DENND10: variants seen among roughly 807,000 people sequenced by gnomAD.
The protein encoded by DENND10 is DENN domain-containing protein 10.
In DENND10, 24 loss-of-function variants were observed where a neutral mutation model predicts 43.6. That is an observed-to-expected ratio of 0.55 (90% CI 0.40 to 0.77). DENND10 has a LOEUF of 0.77. Ranked by LOEUF, DENND10 falls within the 30% of genes least tolerant of loss-of-function variation. The probability of loss-of-function intolerance (pLI) is 0.00; values close to 1 mark genes in which losing one functional copy is unlikely to be tolerated. For missense variants in DENND10, 303 were observed against 429.9 expected, an observed-to-expected ratio of 0.70 and a Z score of 2.61; for synonymous variants, 125 against 157.6, an observed-to-expected ratio of 0.79 and a Z score of 1.55.
rs397845392 is a variant in DENND10 at position 119,115,382 on chromosome 10, A to ATTTTTTTTTTTTTTTTTTTTTTT, written c.333-2136_333-2114dup. ...CGTCAAGTTGTGAATTGAATTGGTA[A>ATTTTTTTTTTTTTTTTTTTTTTT]TTTTTTTTTTTTTTTTTTTTTTTGA... is the stretch of plus-strand genomic sequence containing the variant. On this transcript the variant is annotated intron_variant, in intron 3 of 8. Transcript: ENST00000361432. Among the ~76,000 whole-genome samples, 5 of 48,416 alleles carry ATTTTTTTTTTTTTTTTTTTTTTT rather than the reference A, an allele frequency of 1.0e-4. 1 individual carries two copies. Among genetic ancestry groups the ATTTTTTTTTTTTTTTTTTTTTTT allele is most frequent in the East Asian group, 1.6e-3 (2 of 1,242 alleles). The allele number at this position is 48,416 out of a possible 152,430, so 31.8% of individuals were successfully genotyped here.
At chr10:119,111,455 A>G (rs1844972068) in intron 2 of DENND10, among the ~76,000 whole-genome samples, 1 of 151,782 alleles carries the variant, frequency 6.6e-6, no homozygotes. Flanking sequence ...AAAAAAAAAA[A>G]TAGGTAAAAT....
chr10:119,135,801 A>AAAAAAAAAAAAAAAAAAAAAAAAAAAAC (rs1846314922), intron 8 of DENND10, among the ~76,000 whole-genome samples: 1 of 149,218 alleles, frequency 6.7e-6, no homozygotes, highest in African/African-American at 2.4e-5. Context: ...TAAAAAAAAA[A>AAAAAAAAAAAAAAAAAAAAAAAAAAAAC]AAAAAAAAAA....
intron 1 of DENND10, among the ~76,000 whole-genome samples, chr10:119,104,613 G>A (rs12250653): frequency 0.35 from 52,978 of 149,816 alleles, 9,748 homozygotes; most frequent in Non-Finnish European, 0.4. Flanking sequence ...CGGCGGGGAG[G>A]AGGCAGGGTC....
chr10:119,137,955 GAAATA>G lies in DENND10; in HGVS notation c.*1313_*1317del. The G allele has an allele frequency of 6.0e-6, 1 of 167,042 alleles. No individual in the cohort carries two copies. The highest frequency in any genetic ancestry group is 6.5e-5 in the Admixed American group (1 of 15,288). The allele number at this position is 167,042 out of a possible 1,614,324, so 10.3% of individuals were successfully genotyped here. On this transcript the variant is annotated 3_prime_UTR_variant, in exon 9 of 9. Transcript: ENST00000361432. The stretch of plus-strand genomic sequence containing the variant: ...GTTAAAATTATAAATTTATGATGCA[GAAATA>G]AAATTGATATATTTTGATATTCAAC...
At chr10:119,123,409 CAGGCTGAGTCTTTA>C (rs1282316087) in intron 5 of DENND10, 46 bp from the exon 6 acceptor site, 86 of 1,209,264 alleles carry the variant, frequency 7.1e-5, no homozygotes, top group Non-Finnish European at 9.5e-5. Context: ...GAGAAGGGGG[CAGGCTGAGTCTTTA>C]AGGTGTGGAC....
At chr10:119,120,718 C>T (rs979411559) in intron 5 of DENND10, among the ~76,000 whole-genome samples, 1 of 152,132 alleles carries the variant, frequency 6.6e-6, no homozygotes, top group Admixed American at 6.6e-5. Context: ...GGTCACTGCC[C>T]CAACTACTCA....
intron 6 of DENND10, among the ~76,000 whole-genome samples, chr10:119,126,366 G>A (rs1209518977): frequency 3.9e-5 from 6 of 152,034 alleles, no homozygotes; most frequent in Non-Finnish European, 8.8e-5. Context: ...TTAGTTTTTC[G>A]AGGAATTTCC....
At position 119,136,889 on chromosome 10, in the gene DENND10, T is replaced by C; in HGVS notation, c.*242T>C. On this transcript the variant is annotated 3_prime_UTR_variant, in exon 9 of 9. Transcript: ENST00000361432. ...TGGACGAAGTGCTATAACTACTTTA[T>C]GTAACATTACAGAACAGCTAGAGGT... 1 of 396,946 alleles carries C rather than the reference T, an allele frequency of 2.5e-6. No homozygotes were observed. The allele number at this position is 396,946 out of a possible 1,614,324, so 24.6% of individuals were successfully genotyped here.
intron 4 of DENND10, among the ~76,000 whole-genome samples, 186 bp from the exon 5 acceptor site, chr10:119,120,155 G>A (rs7901119): frequency 0.063 from 9,608 of 151,902 alleles, 814 homozygotes; most frequent in African/African-American, 0.19. Flanking sequence ...AGCTGAAGCA[G>A]GAGAATCGCT....
At chr10:119,115,481 G>A (rs867698363) in intron 3 of DENND10, among the ~76,000 whole-genome samples, 19 of 103,708 alleles carry the variant, frequency 1.8e-4, no homozygotes, top group Admixed American at 9.5e-4. Context: ...TCCGCCTCCC[G>A]GGTTCACGCC....
At chr10:119,122,012 A>G (rs1410930740) in intron 5 of DENND10, among the ~76,000 whole-genome samples, 1 of 152,144 alleles carries the variant, frequency 6.6e-6, no homozygotes, top group Non-Finnish European at 1.5e-5. Flanking sequence ...GTGAACACAT[A>G]AAAGATAATG....
At chr10:119,116,276 G>T (rs945190637) in intron 3 of DENND10, among the ~76,000 whole-genome samples, 2 of 152,144 alleles carry the variant, frequency 1.3e-5, no homozygotes, top group Non-Finnish European at 2.9e-5. Flanking sequence ...GCTTTAACTT[G>T]ACGATGAATG....
intron 8 of DENND10, among the ~76,000 whole-genome samples, chr10:119,135,652 G>A (rs1187476157): frequency 6.6e-6 from 1 of 151,832 alleles, no homozygotes; most frequent in African/African-American, 2.4e-5. Flanking sequence ...GCTAAGCGAG[G>A]GGAAATGGGG....
intron 4 of DENND10, among the ~76,000 whole-genome samples, chr10:119,118,187 C>T (rs1218571933): frequency 1.3e-5 from 2 of 151,988 alleles, no homozygotes; most frequent in Non-Finnish European, 2.9e-5. Flanking sequence ...CAAGAGGGTG[C>T]CTTTAACCCC....
rs1845836452 is a variant in DENND10 at position 119,126,436 on chromosome 10, C to A, written c.694+2867C>A. 2.6e-5 allele frequency among the ~76,000 whole-genome samples: 4 copies of A among 152,024 alleles called. No homozygotes were observed. In the South Asian group the frequency reaches 8.3e-4, roughly 32 times the overall value. Reference sequence around the variant, plus strand: ...TTCCTACCAACAGTGTACGAGAGTTCTTTTTCTCTACATTCTTGCCATCGT... The same window carrying A: ...TTCCTACCAACAGTGTACGAGAGTTATTTTTCTCTACATTCTTGCCATCGT... On this transcript the variant is annotated intron_variant, in intron 6 of 8. Coordinates refer to ENST00000361432, the MANE Select transcript of DENND10 (RefSeq NM_207009.4).
intron 1 of DENND10, chr10:119,105,615 C>A: frequency 1.8e-6 from 1 of 550,060 alleles, no homozygotes; most frequent in Non-Finnish European, 2.4e-6. Context: ...TCTTTATCTA[C>A]TAATAGCAAA....
At chr10:119,125,496 GTTTT>G (rs143067681) in intron 6 of DENND10, among the ~76,000 whole-genome samples, 6,245 of 115,160 alleles carry the variant, frequency 0.054, 417 homozygotes, top group African/African-American at 0.17. Context: ...TCCACTTCTA[GTTTT>G]CTTTTTTTTT....
Position 119,107,999 on chromosome 10 carries a change from G to T in DENND10, c.87G>T (p.Val29=), listed in dbSNP as rs1357091713. Residue 29 remains valine (V), a synonymous_variant, in exon 2 of 9, where the codon GTG becomes GTT. Coordinates refer to ENST00000361432, the MANE Select transcript of DENND10 (RefSeq NM_207009.4). ...ACACAAATGGAGAAGTTCTGTGGGT[G>T]TGGTGTTATCCTTCCACGACAGCCA... ...EKDTNGEVLW[V]WCYPSTTATL... 1.1e-5 allele frequency: 17 copies of T among 1,614,090 alleles called. No homozygotes were observed. Among genetic ancestry groups the T allele is most frequent in the Non-Finnish European group, 1.4e-5 (17 of 1,179,942 alleles).
At chr10:119,106,781 A>G (rs1450138815) in intron 1 of DENND10, among the ~76,000 whole-genome samples, 1 of 152,208 alleles carries the variant, frequency 6.6e-6, no homozygotes, top group African/African-American at 2.4e-5. Flanking sequence ...ACGGTGGCTC[A>G]CGCCTATAAT....
Sources: allele counts gnomAD v4.1 joint callset (sites outside exome capture counted in the v4.1 genomes callset), GRCh38; gene constraint gnomAD v4.1.1; transcripts MANE v1.5; gene names NCBI Gene and HGNC (gene_info 2026-07-23, HGNC 2026-07-21).